TTC7A: variants seen among roughly 807,000 people sequenced by gnomAD.
TTC7A encodes the protein tetratricopeptide repeat protein 7A.
Under a neutral mutation model 103.7 loss-of-function variants are expected in TTC7A, and 110 were observed. That is an observed-to-expected ratio of 1.06 (90% CI 0.91 to 1.24). TTC7A has a LOEUF of 1.24. Ranked by LOEUF, TTC7A falls within the 50% of genes most tolerant of loss-of-function variation. The pLI is 0.00. For missense variants in TTC7A, 1,340 were observed against 1,116.3 expected (o/e 1.20, Z -2.86); for synonymous variants, 521 against 467.9 (o/e 1.11, Z -1.47).
At chr2:47,038,245 C>T (rs1306243670) in intron 15 of TTC7A, among the ~76,000 whole-genome samples, 3 of 144,202 alleles carry the variant, frequency 2.1e-5, no homozygotes, top group East Asian at 2.0e-4. Context: ...GGCGTCAGAG[C>T]GAGACTCCAT....
chr2:46,929,666 TATCTTAAAA>T (rs1669591420), intron 2 of TTC7A, among the ~76,000 whole-genome samples: 1 of 152,202 alleles, frequency 6.6e-6, no homozygotes, highest in Non-Finnish European at 1.5e-5. Flanking sequence ...TAAATGCATG[TATCTTAAAA>T]ATAAGAAAGA....
intron 5 of TTC7A, among the ~76,000 whole-genome samples, chr2:46,988,960 G>A (rs1406407803): frequency 6.6e-6 from 1 of 152,172 alleles, no homozygotes; most frequent in Non-Finnish European, 1.5e-5. Context: ...CATTTCTTGA[G>A]CACCTTCTAT....
In TTC7A at chr2:47,021,892, G is replaced by T; in HGVS notation, c.1423G>T (p.Val475Leu). The T allele has an allele frequency of 6.2e-7, 1 of 1,614,188 alleles. No individual in the cohort carries two copies. The highest frequency in any genetic ancestry group is 8.5e-7 in the Non-Finnish European group (1 of 1,179,996). Residue 475 changes from valine (V) to leucine (L), a missense_variant, in exon 12 of 20, where the codon GTG (valine) becomes TTG (leucine). By Grantham distance (32) the Val-to-Leu change is conservative. Transcript: ENST00000319190. ...LEEAEHFAMM[V>L]ISLGEEAGEF... ...GGAAGCAGAGCACTTTGCCATGATG[G>T]TGATCAGCCTCGGAGAGGAAGCCGG...
chr2:46,942,969 G>T (rs1670578207), intron 1 of TTC7A, among the ~76,000 whole-genome samples: 1 of 152,060 alleles, frequency 6.6e-6, no homozygotes, highest in African/African-American at 2.4e-5. Flanking sequence ...GTAATAGTGC[G>T]ATCTCAGCTC....
upstream of TTC7A, among the ~76,000 whole-genome samples, chr2:46,937,217 A>G (rs950769342): frequency 1.2e-4 from 19 of 152,054 alleles, no homozygotes; most frequent in African/African-American, 4.6e-4. This position sits in a 1 kb window ranked among gnomAD's most constrained non-coding sequence, Gnocchi z 4.0. Flanking sequence ...GAACTACTTA[A>G]AACTATCTTT....
intron 15 of TTC7A, among the ~76,000 whole-genome samples, chr2:47,034,622 G>A (rs537182746): frequency 6.6e-6 from 1 of 152,074 alleles, no homozygotes. Flanking sequence ...AGCCTGTCAC[G>A]GCTCCCGTCC....
At chr2:46,933,146 G>A (rs568534159) in intron 2 of TTC7A, among the ~76,000 whole-genome samples, 1 of 152,242 alleles carries the variant, frequency 6.6e-6, no homozygotes, top group East Asian at 1.9e-4. Context: ...CTCCTGCTCT[G>A]GAGAGGGGCC....
Position 46,941,442 on chromosome 2 carries a change from C to G in TTC7A, c.-100C>G, listed in dbSNP as rs1670364926. On this transcript the variant is annotated 5_prime_UTR_variant, in exon 1 of 20. Transcript: ENST00000319190. The surrounding 1 kb of genome is among the most constrained non-coding windows in gnomAD (Gnocchi z 4.2). ...CCCGGGCCCCGGCTGCCGTCTGCGC[C>G]CCCGTCGACCCCGCCCGCGAGTGCG... is the stretch of plus-strand genomic sequence containing the variant. The G allele has an allele frequency of 2.3e-6, 3 of 1,298,592 alleles. No individual in the cohort carries two copies. Among genetic ancestry groups the G allele is most frequent in the Non-Finnish European group, 3.0e-6 (3 of 1,006,820 alleles). The allele number at this position is 1,298,592 out of a possible 1,614,324, so 80.4% of individuals were successfully genotyped here.
chr2:47,049,601 G>A (rs1480533749), intron 16 of TTC7A, among the ~76,000 whole-genome samples: 1 of 152,098 alleles, frequency 6.6e-6, no homozygotes, highest in African/African-American at 2.4e-5. Flanking sequence ...TTCCTTGGCA[G>A]TCAGTCCACA....
At chr2:47,062,585 C>A (rs1222155837) in intron 19 of TTC7A, among the ~76,000 whole-genome samples, 2 of 152,212 alleles carry the variant, frequency 1.3e-5, no homozygotes, top group Non-Finnish European at 2.9e-5. Flanking sequence ...TGGGCTATAT[C>A]ATTGGGCCTG....
At chr2:47,028,849 G>A (rs1037139877) in intron 14 of TTC7A, among the ~76,000 whole-genome samples, 6 of 152,162 alleles carry the variant, frequency 3.9e-5, no homozygotes, top group Non-Finnish European at 8.8e-5. Flanking sequence ...CCTACCTGGA[G>A]CACCCCATTT....
At chr2:47,064,842 G>A (rs1037280155) in intron 19 of TTC7A, among the ~76,000 whole-genome samples, 2 of 152,144 alleles carry the variant, frequency 1.3e-5, no homozygotes, top group Non-Finnish European at 2.9e-5. Flanking sequence ...GTGTAAGGAA[G>A]GAAAAAACAA....
At chr2:47,014,215 T>C (rs1051291516) in intron 11 of TTC7A, among the ~76,000 whole-genome samples, 7 of 152,156 alleles carry the variant, frequency 4.6e-5, no homozygotes, top group Non-Finnish European at 1.5e-5. Flanking sequence ...TGTCTTGCAC[T>C]CTGACCCCCT....
At chr2:46,939,632 T>C (rs1056784414), upstream of TTC7A, among the ~76,000 whole-genome samples, 3 of 152,208 alleles carry the variant, frequency 2.0e-5, no homozygotes, top group African/African-American at 7.2e-5. Flanking sequence ...GGAGGTCTTA[T>C]TTCTGCCAAG....
intron 18 of TTC7A, among the ~76,000 whole-genome samples, chr2:47,057,458 T>A (rs1573055609): frequency 6.6e-6 from 1 of 152,088 alleles, no homozygotes; most frequent in Non-Finnish European, 1.5e-5. Flanking sequence ...TTGGGTGGGG[T>A]ACCCTCTAAT....
At chr2:46,974,799 C>T in intron 3 of TTC7A, 174 bp from the exon 4 acceptor site, 4 of 849,134 alleles carry the variant, frequency 4.7e-6, no homozygotes, top group Non-Finnish European at 7.4e-6. Flanking sequence ...CTCCCAGCCA[C>T]TGCTAACACC....
chr2:46,932,341 G>T (rs996979998), intron 2 of TTC7A, among the ~76,000 whole-genome samples: 12 of 152,092 alleles, frequency 7.9e-5, no homozygotes, highest in African/African-American at 2.9e-4. Flanking sequence ...TAGAGATGGG[G>T]TTTCACCATG....
intron 1 of TTC7A, among the ~76,000 whole-genome samples, chr2:46,947,509 A>G (rs1452551212): frequency 6.6e-6 from 1 of 152,194 alleles, no homozygotes; most frequent in African/African-American, 2.4e-5. Flanking sequence ...TGAGCCCAGG[A>G]GTTCGAGACC....
intron 4 of TTC7A, among the ~76,000 whole-genome samples, chr2:46,975,854 A>T (rs11883507): frequency 6.6e-6 from 1 of 151,842 alleles, no homozygotes; most frequent in Non-Finnish European, 1.5e-5. Context: ...CTTCTGCCTC[A>T]GCCTTTCGAG....
Sources: allele counts gnomAD v4.1 joint callset (sites outside exome capture counted in the v4.1 genomes callset), GRCh38; gene constraint gnomAD v4.1.1; non-coding constraint Gnocchi (gnomAD v3.1); transcripts MANE v1.5; gene names NCBI Gene and HGNC (gene_info 2026-07-23, HGNC 2026-07-21).